PPP1R12B: variants seen among roughly 807,000 people sequenced by gnomAD.
The protein encoded by PPP1R12B is protein phosphatase 1 regulatory subunit 12B, also known as myosin phosphatase target subunit 2.
Under a neutral mutation model 126.1 loss-of-function variants are expected in PPP1R12B, and 76 were observed. The ratio of observed to expected loss-of-function variants is 0.60; its 90% CI spans 0.50 to 0.73. The LOEUF (loss-of-function observed/expected upper bound fraction) is 0.73, where lower values mean the gene tolerates loss of function less well. Among genes scored for constraint, PPP1R12B ranks in the 30% least tolerant of loss-of-function variants. The probability of loss-of-function intolerance (pLI) is 0.00; values close to 1 mark genes in which losing one functional copy is unlikely to be tolerated. For synonymous variants in PPP1R12B, 356 were observed against 434.7 expected (o/e 0.82, Z 2.25); for missense variants, 1,052 against 1,205.1 (o/e 0.87, Z 1.88).
In PPP1R12B at chr1:202,551,527, A is replaced by ATT. The variant is rs34230868; in HGVS notation, c.2491-7341_2491-7340dup. 9.7e-3 allele frequency among the ~76,000 whole-genome samples: 1,460 copies of ATT among 150,180 alleles called. 27 individuals are homozygous for ATT. The highest frequency in any genetic ancestry group is 0.032 in the African/African-American group (1,328 of 40,966). Reference sequence around the variant, plus strand: ...TAGGATGTTACAGATAAATTAAACCATTTTTTTTTTAAGGGAGATCCTTGT... The same window carrying ATT: ...TAGGATGTTACAGATAAATTAAACCATTTTTTTTTTTTAAGGGAGATCCTTGT... On this transcript the variant is annotated intron_variant, in intron 18 of 23. Coordinates refer to ENST00000608999, the MANE Select transcript of PPP1R12B (RefSeq NM_002481.4).
intron 18 of PPP1R12B, among the ~76,000 whole-genome samples, chr1:202,513,678 A>G (rs552352544): frequency 1.0e-3 from 153 of 152,264 alleles, no homozygotes; most frequent in African/African-American, 3.4e-3. Context: ...CAGAATTCTG[A>G]TGGATATGAG....
intron 9 of PPP1R12B, among the ~76,000 whole-genome samples, chr1:202,436,563 G>A (rs945987873): frequency 6.6e-6 from 1 of 152,170 alleles, no homozygotes; most frequent in African/African-American, 2.4e-5. Flanking sequence ...AAAGGTCCTG[G>A]ACCTCAGGAA....
At chr1:202,444,788 C>T (rs942392765) in intron 12 of PPP1R12B, among the ~76,000 whole-genome samples, 6 of 152,176 alleles carry the variant, frequency 3.9e-5, no homozygotes, top group South Asian at 2.1e-4. Flanking sequence ...TCTTCCTCCA[C>T]GTTCCTTCAC....
At chr1:202,396,853 C>T (rs931057118) in intron 1 of PPP1R12B, among the ~76,000 whole-genome samples, 5 of 152,096 alleles carry the variant, frequency 3.3e-5, no homozygotes, top group Admixed American at 2.6e-4. Flanking sequence ...ACCACTCTAC[C>T]TATGTCTGAG....
At chr1:202,378,227 T>C (rs1334244571) in intron 1 of PPP1R12B, among the ~76,000 whole-genome samples, 1 of 147,664 alleles carries the variant, frequency 6.8e-6, no homozygotes, top group Non-Finnish European at 1.5e-5. Flanking sequence ...TTCCTTAAAA[T>C]GCCTCAAGTT....
chr1:202,591,057 G>T lies in PPP1R12B; in HGVS notation c.*10497G>T, dbSNP rs748700967. On this transcript the variant is annotated 3_prime_UTR_variant, in exon 24 of 24. Coordinates refer to ENST00000608999, the MANE Select transcript of PPP1R12B (RefSeq NM_002481.4). ...TCAATTTGTCTCTGCTGTGGGTGTG[G>T]AGAGTGGGAGGGCCCCAGAGAGAGC... The T allele has an allele frequency of 6.6e-6, 1 of 152,310 alleles. No homozygotes were observed. The highest frequency in any genetic ancestry group is 1.5e-5 in the Non-Finnish European group (1 of 68,144). 9.4% of individuals were successfully genotyped at this position (152,310 alleles called of 1,614,324 possible).
intron 13 of PPP1R12B, among the ~76,000 whole-genome samples, chr1:202,465,759 C>T (rs1274036027): frequency 1.3e-5 from 2 of 152,162 alleles, no homozygotes; most frequent in African/African-American, 2.4e-5. Flanking sequence ...GTATACTGAC[C>T]TAGCTTTTAA....
At chr1:202,409,006 T>A (rs2148590624) in intron 1 of PPP1R12B, among the ~76,000 whole-genome samples, 1 of 151,402 alleles carries the variant, frequency 6.6e-6, no homozygotes, top group East Asian at 2.0e-4. Context: ...CCCAGCTAAT[T>A]TTTTGTATTT....
At chr1:202,517,683 T>C (rs1682317777) in intron 18 of PPP1R12B, among the ~76,000 whole-genome samples, 1 of 152,004 alleles carries the variant, frequency 6.6e-6, no homozygotes, top group Admixed American at 6.6e-5. Context: ...TGGAGTGTCA[T>C]GGCGTGATCT....
chr1:202,425,928 C>T (rs1167128910), intron 4 of PPP1R12B, among the ~76,000 whole-genome samples: 1 of 152,216 alleles, frequency 6.6e-6, no homozygotes, highest in Non-Finnish European at 1.5e-5. Flanking sequence ...TCTAGCTTCT[C>T]ACTAACATGT....
chr1:202,515,885 C>A (rs566460366), intron 18 of PPP1R12B, among the ~76,000 whole-genome samples: 1 of 152,284 alleles, frequency 6.6e-6, no homozygotes, highest in Admixed American at 6.5e-5. Context: ...ATTGACCTTT[C>A]CTGGATCAGA....
chr1:202,402,766 A>G (rs1666032823), intron 1 of PPP1R12B, among the ~76,000 whole-genome samples: 1 of 152,230 alleles, frequency 6.6e-6, no homozygotes, highest in Non-Finnish European at 1.5e-5. Context: ...AAACACCTAC[A>G]GTGAGGGGTA....
intron 18 of PPP1R12B, among the ~76,000 whole-genome samples, chr1:202,524,611 T>C (rs1368512803): frequency 1.3e-5 from 2 of 152,198 alleles, no homozygotes; most frequent in African/African-American, 2.4e-5. Flanking sequence ...TGAGAACATA[T>C]AATGTTTGGT....
At chr1:202,417,623 G>A (rs1157028130) in intron 2 of PPP1R12B, among the ~76,000 whole-genome samples, 1 of 152,196 alleles carries the variant, frequency 6.6e-6, no homozygotes, top group Admixed American at 6.5e-5. Flanking sequence ...TGAAATGGCA[G>A]TCGAAACATC....
rs1275592016 is a variant in PPP1R12B, at chr1:202,562,900, A to G, written c.2630A>G (p.Asp877Gly). 1 of 1,588,132 alleles carries G rather than the reference A, an allele frequency of 6.3e-7. No homozygotes were observed. Among genetic ancestry groups the G allele is most frequent in the Non-Finnish European group, 8.5e-7 (1 of 1,171,846 alleles). The change falls in exon 20 of 24, where the codon GAC (aspartate) becomes GGC (glycine). Residue 877 changes from aspartate to glycine, a missense_variant. By Grantham distance (94) the Asp-to-Gly change is moderately conservative. Transcript: ENST00000608999. ...LATLTSRVEE[D>G]SNRDYKKLYE... Reference sequence around the variant, plus strand: ...ACCCTGACCAGCCGTGTAGAAGAAGACAGCAACAGAGATTATAAAAAAGTA... The same window carrying G: ...ACCCTGACCAGCCGTGTAGAAGAAGGCAGCAACAGAGATTATAAAAAAGTA...
intron 13 of PPP1R12B, among the ~76,000 whole-genome samples, chr1:202,457,264 T>G (rs543506813): frequency 3.3e-5 from 5 of 152,274 alleles, no homozygotes; most frequent in African/African-American, 9.6e-5. Context: ...GAAAACATTT[T>G]TTTGGCTGGG....
chr1:202,528,413 A>G (rs944783878), intron 18 of PPP1R12B, among the ~76,000 whole-genome samples: 6 of 152,186 alleles, frequency 3.9e-5, no homozygotes, highest in South Asian at 2.1e-4. Flanking sequence ...TGTTTACTGT[A>G]TTGCATGCTA....
intron 18 of PPP1R12B, among the ~76,000 whole-genome samples, chr1:202,520,132 G>C (rs899368416): frequency 2.0e-5 from 3 of 152,192 alleles, no homozygotes; most frequent in African/African-American, 4.8e-5. Context: ...TACTTATAAA[G>C]TACCAAACTG....
intron 13 of PPP1R12B, among the ~76,000 whole-genome samples, chr1:202,487,931 T>C (rs1678371963): frequency 6.6e-6 from 1 of 152,208 alleles, no homozygotes; most frequent in African/African-American, 2.4e-5. Flanking sequence ...AGTGGATGAC[T>C]GAACCTACAG....
Sources: gnomAD v4.1 joint callset for allele counts (sites outside exome capture counted in the v4.1 genomes callset) on GRCh38, gnomAD v4.1.1 for gene constraint, MANE v1.5 for transcripts, NCBI Gene and HGNC (gene_info 2026-07-23, HGNC 2026-07-21) for gene names.